Variants in RNF213 observed in about 807,000 individuals in gnomAD.
The protein encoded by RNF213 is ring finger protein 213.
Under a neutral mutation model 514.4 loss-of-function variants are expected in RNF213, and 341 were observed. The observed-to-expected ratio is 0.66, with a 90% CI of 0.61 to 0.73. RNF213 has a LOEUF of 0.73. RNF213 is among the 30% of genes least tolerant of loss of function. The pLI is 0.00. For synonymous variants in RNF213, 2,655 were observed against 2,658.2 expected, an observed-to-expected ratio of 1.00 and a Z score of 0.04; for missense variants, 5,767 against 6,615.6, an observed-to-expected ratio of 0.87 and a Z score of 4.45.
intron 22 of RNF213, 41 bp downstream of exon 22, chr17:80,334,311 GTT>G (rs2077921593): frequency 6.6e-7 from 1 of 1,507,682 alleles, no homozygotes. Context: ...TGTGGAGAAA[GTT>G]TTCAGATGGC....
rs1252456153 is a variant in RNF213, at chr17:80,398,755, GAGAA to G, written c.*5261_*5264del. The G allele has an allele frequency of 6.6e-6, 1 of 151,764 alleles. No homozygotes were observed. Among genetic ancestry groups the G allele is most frequent in the Non-Finnish European group, 1.5e-5 (1 of 67,944 alleles). The allele number at this position is 151,764 out of a possible 1,614,324, so 9.4% of individuals were successfully genotyped here. On this transcript the variant is annotated 3_prime_UTR_variant, in exon 68 of 68. Transcript: ENST00000582970. ...AGACAGAGGCAAAAGGAAAGTCAAAGAGAAAGAGACAGAAAATCAAGAGGAAAAA... is the reference window on the plus strand; with the variant it reads ...AGACAGAGGCAAAAGGAAAGTCAAAGAGAGACAGAAAATCAAGAGGAAAAA...
chr17:80,340,495 CAG>C, intron 26 of RNF213, 139 bp downstream of exon 26: 3 of 826,678 alleles, frequency 3.6e-6, no homozygotes. Context: ...GGGTGTCAAT[CAG>C]GGTCTGTGCC....
chr17:80,337,955 C>G lies in RNF213; in HGVS notation c.4791C>G (p.Gly1597=), dbSNP rs530623400. ...TGAACAAGTTGATGCTGATGTCTGG[C>G]AAGAAGGATCGTAACAACACGGAAG... ...ELLNKLMLMS[G]KKDRNNTEVE... Residue 1597 remains glycine (G), a synonymous_variant, in exon 25 of 68, where the codon GGC becomes GGG. Transcript: ENST00000582970. 9.1e-6 allele frequency: 14 copies of G among 1,537,252 alleles called. 1 individual carries two copies. In the South Asian group the frequency reaches 1.7e-4, roughly 18 times the overall value.
At chr17:80,334,552 C>G (rs917876008) in intron 22 of RNF213, among the ~76,000 whole-genome samples, 3 of 152,098 alleles carry the variant, frequency 2.0e-5, no homozygotes, top group Non-Finnish European at 4.4e-5. Context: ...AATCTTGCCC[C>G]CTTCAGCTTT....
chr17:80,357,613 T>G (rs2078882093), intron 36 of RNF213, among the ~76,000 whole-genome samples: 1 of 152,148 alleles, frequency 6.6e-6, no homozygotes, highest in Non-Finnish European at 1.5e-5. Context: ...ATAATTTTAT[T>G]TATTTAGAGA....
At chr17:80,379,180 G>A (rs1038792150) in intron 54 of RNF213, among the ~76,000 whole-genome samples, 3 of 152,142 alleles carry the variant, frequency 2.0e-5, no homozygotes, top group African/African-American at 4.8e-5. Context: ...AGGACAGAGC[G>A]AGGCTCTGTC....
chr17:80,271,285 T>A (rs57689017), intron 2 of RNF213, among the ~76,000 whole-genome samples: 1,789 of 152,300 alleles, frequency 0.012, 27 homozygotes, highest in African/African-American at 0.041. Flanking sequence ...TTTAGAGGAT[T>A]TGTTATCAAT....
chr17:80,305,545 C>G lies in RNF213; in HGVS notation c.2211-707C>G, dbSNP rs542161235. Among the ~76,000 whole-genome samples the G allele has an allele frequency of 1.0e-3, 158 of 152,064 alleles. 1 individual carries two copies. Among genetic ancestry groups the G allele is most frequent in the African/African-American group, 3.7e-3 (152 of 41,488 alleles). ...CAGGGCTACCCCATAGGAGCATGCC[C>G]AGAATGGCCAGCAGTGAATTCTTAT... On this transcript the variant is annotated intron_variant, in intron 11 of 67. Transcript: ENST00000582970.
Position 80,340,295 on chromosome 17 carries a change from G to C in RNF213, c.5928G>C (p.Ala1976=). The C allele has an allele frequency of 6.2e-7, 1 of 1,613,896 alleles. No homozygotes were observed. The highest frequency in any genetic ancestry group is 8.5e-7 in the Non-Finnish European group (1 of 1,180,002). The change falls in exon 26 of 68, where the codon GCG becomes GCC. Residue 1976 remains alanine, a synonymous_variant. Coordinates refer to ENST00000582970, the MANE Select transcript of RNF213 (RefSeq NM_001256071.3). ...HYRVPKQTLS[A]AAVFNDRLCV... ...GGGTCCCGAAGCAGACCCTGTCGGCGGCAGCCGTGTTCAATGACCGGCTGT... is the reference window on the plus strand; with the variant it reads ...GGGTCCCGAAGCAGACCCTGTCGGCCGCAGCCGTGTTCAATGACCGGCTGT...
intron 2 of RNF213, among the ~76,000 whole-genome samples, chr17:80,271,559 G>C (rs2043823011): frequency 6.6e-6 from 1 of 152,224 alleles, no homozygotes; most frequent in African/African-American, 2.4e-5. Context: ...GGCTTGGCCT[G>C]GCACCATCTG....
intron 41 of RNF213, 100 bp downstream of exon 41, chr17:80,363,890 C>T: frequency 8.4e-7 from 1 of 1,195,980 alleles, no homozygotes; most frequent in East Asian, 2.5e-5. Context: ...GCAGGTGCTC[C>T]TGCCATGGGA....
chr17:80,375,172 G>A (rs1305230889), intron 50 of RNF213: 1 of 174,678 alleles, frequency 5.7e-6, no homozygotes, highest in African/African-American at 2.4e-5. Context: ...AAGAACAGAT[G>A]GTGATTCCGT....
intron 11 of RNF213, among the ~76,000 whole-genome samples, chr17:80,303,562 CTTTTCTT>C (rs889595178): frequency 2.1e-5 from 3 of 142,794 alleles, no homozygotes; most frequent in Admixed American, 6.9e-5. Context: ...TTTTTCTTTT[CTTTTCTT>C]TTTTTTTTTT....
chr17:80,332,341 A>G lies in RNF213; in HGVS notation c.3853A>G (p.Lys1285Glu). The G allele has an allele frequency of 1.3e-6, 2 of 1,537,174 alleles. No homozygotes were observed. The highest frequency in any genetic ancestry group is 1.7e-6 in the Non-Finnish European group (2 of 1,146,904). Reference sequence around the variant, plus strand: ...CTATTTGTATCAGCCTTCTTACAGAAAGTTCATTAAGTTGCACCAGGATCT... The same window carrying G: ...CTATTTGTATCAGCCTTCTTACAGAGAGTTCATTAAGTTGCACCAGGATCT... ...YDYLYQPSYR[K>E]FIKLHQDLKS... Residue 1285 changes from lysine (K) to glutamate (E), a missense_variant, in exon 21 of 68, where the codon AAG becomes GAG. By Grantham distance (56) the Lys-to-Glu change is moderately conservative. Around this residue, in one of 13 missense-constraint regions of RNF213, gnomAD observed 516 missense variants for 566.5 expected, o/e 0.91. Coordinates refer to ENST00000582970, the MANE Select transcript of RNF213 (RefSeq NM_001256071.3).
chr17:80,309,185 A>G lies in RNF213; in HGVS notation c.2655+14A>G, dbSNP rs753276692. On this transcript the variant is annotated intron_variant, in intron 14 of 67. Transcript: ENST00000582970. ...CTATCTCTGGTGGTAAGTGGAGTCA[A>G]CACACAAGGTATCACACCCGGGATA... 2.5e-6 allele frequency: 4 copies of G among 1,614,176 alleles called. No individual in the cohort carries two copies. The highest frequency in any genetic ancestry group is 3.4e-6 in the Non-Finnish European group (4 of 1,180,028).
chr17:80,355,266 T>C lies in RNF213; in HGVS notation c.10862+690T>C, dbSNP rs532170618. The C allele has an allele frequency of 1.5e-5, 7 of 453,200 alleles. No individual in the cohort carries two copies. In the East Asian group the frequency reaches 4.9e-4, roughly 32 times the overall value. 28.1% of individuals were successfully genotyped at this position (453,200 alleles called of 1,614,324 possible). ...CTTCTGTGCCAGTGATAGGTTCGCTTTGGGCCTACAGCCAGGTGTGATCTG... is the reference window on the plus strand; with the variant it reads ...CTTCTGTGCCAGTGATAGGTTCGCTCTGGGCCTACAGCCAGGTGTGATCTG... On this transcript the variant is annotated intron_variant, in intron 36 of 67. Coordinates refer to ENST00000582970, the MANE Select transcript of RNF213 (RefSeq NM_001256071.3).
chr17:80,328,563 T>C lies in RNF213; in HGVS notation c.3517+86T>C, dbSNP rs1264820655. On this transcript the variant is annotated intron_variant, in intron 20 of 67. Transcript: ENST00000582970. ...TAAGAATGGATCACAGTAGCAGATCTTTATTTTGGAGAGAAGGCTTTAAAA... is the reference window on the plus strand; with the variant it reads ...TAAGAATGGATCACAGTAGCAGATCCTTATTTTGGAGAGAAGGCTTTAAAA... 4.4e-6 allele frequency: 6 copies of C among 1,359,566 alleles called. No individual in the cohort carries two copies. In the African/African-American group the frequency reaches 8.9e-5, roughly 20 times the overall value. The allele number at this position is 1,359,566 out of a possible 1,614,324, so 84.2% of individuals were successfully genotyped here.
chr17:80,356,872 C>G (rs1346234759), intron 36 of RNF213, among the ~76,000 whole-genome samples: 1 of 151,542 alleles, frequency 6.6e-6, no homozygotes, highest in African/African-American at 2.4e-5. Context: ...TCTTTTTATT[C>G]TCTTCAAAAG....
At position 80,353,081 on chromosome 17, in the gene RNF213, C is replaced by G. The variant is rs1381928163; in HGVS notation, c.10423+22C>G. 2 of 1,609,522 alleles carry G rather than the reference C, an allele frequency of 1.2e-6. No homozygotes were observed. Among genetic ancestry groups the G allele is most frequent in the Admixed American group, 3.3e-5 (2 of 60,032 alleles). ...GAGCGTGAGTCACGAGGCGGAGCCCCTGGGGGAGCAGGTGGTGGAAGGGCA... is the reference window on the plus strand; with the variant it reads ...GAGCGTGAGTCACGAGGCGGAGCCCGTGGGGGAGCAGGTGGTGGAAGGGCA... On this transcript the variant is annotated intron_variant, in intron 33 of 67. Transcript: ENST00000582970. This position sits in a 1 kb window ranked among gnomAD's most constrained non-coding sequence, Gnocchi z 5.0.
Sources: allele counts gnomAD v4.1 joint callset (sites outside exome capture counted in the v4.1 genomes callset), GRCh38; gene constraint gnomAD v4.1.1; regional missense constraint gnomAD v4.1.1; non-coding constraint Gnocchi (gnomAD v3.1); transcripts MANE v1.5; gene names NCBI Gene and HGNC (gene_info 2026-07-23, HGNC 2026-07-21).